CNOT4: variants seen among roughly 807,000 people sequenced by gnomAD.
The protein encoded by CNOT4 is CCR4-NOT transcription complex subunit 4.
CNOT4 carries 8 observed loss-of-function variants against 73.8 expected under a neutral mutation model. That is an observed-to-expected ratio of 0.11 (90% confidence interval 0.06 to 0.20). The LOEUF (loss-of-function observed/expected upper bound fraction) is 0.20, where lower values mean the gene tolerates loss of function less well. Among genes scored for constraint, CNOT4 ranks in the 10% least tolerant of loss-of-function variants. The pLI is 1.00. For missense variants in CNOT4, 564 were observed against 883.4 expected (o/e 0.64, Z 4.58); for synonymous variants, 293 against 321.1 (o/e 0.91, Z 0.94).
At chr7:135,475,025 G>A (rs1022000879) in intron 1 of CNOT4, among the ~76,000 whole-genome samples, 4 of 152,116 alleles carry the variant, frequency 2.6e-5, no homozygotes, top group East Asian at 3.9e-4. Flanking sequence ...ATTTAAATGA[G>A]CTAGAGCCTG....
At chr7:135,376,522 C>T (rs567141782) in intron 10 of CNOT4, among the ~76,000 whole-genome samples, 13 of 152,250 alleles carry the variant, frequency 8.5e-5, no homozygotes, top group Admixed American at 2.0e-4. Flanking sequence ...TTCAGGTTTA[C>T]ATTCAGATGA....
intron 10 of CNOT4, among the ~76,000 whole-genome samples, chr7:135,370,011 A>T (rs118120610): frequency 0.01 from 1,544 of 152,324 alleles, 6 homozygotes; most frequent in Non-Finnish European, 0.015. Flanking sequence ...TAACTAAAAT[A>T]TGCAGAGAAA....
At chr7:135,487,351 C>T (rs577006005) in intron 1 of CNOT4, among the ~76,000 whole-genome samples, 20 of 152,200 alleles carry the variant, frequency 1.3e-4, no homozygotes, top group African/African-American at 4.8e-4. Context: ...AATCCTCCCA[C>T]CTCAGCCTCC....
intron 1 of CNOT4, among the ~76,000 whole-genome samples, chr7:135,447,433 T>C (rs1217894527): frequency 1.3e-5 from 2 of 152,338 alleles, no homozygotes; most frequent in Admixed American, 6.5e-5. Flanking sequence ...TTTAGAAATC[T>C]ATCTACCTGA....
chr7:135,474,030 A>AGTGCAATG (rs1801819263), intron 1 of CNOT4, among the ~76,000 whole-genome samples: 2 of 135,598 alleles, frequency 1.5e-5, no homozygotes, highest in Non-Finnish European at 3.2e-5. Flanking sequence ...CCCAGGCTGG[A>AGTGCAATG]GTGCAATGGT....
intron 1 of CNOT4, among the ~76,000 whole-genome samples, chr7:135,451,374 G>C (rs910521251): frequency 3.9e-5 from 6 of 152,112 alleles, no homozygotes; most frequent in Admixed American, 2.6e-4. Context: ...GCTCATTGCA[G>C]CATCCACCTC....
chr7:135,418,874 G>A (rs1798018151), intron 3 of CNOT4, among the ~76,000 whole-genome samples: 1 of 152,080 alleles, frequency 6.6e-6, no homozygotes, highest in African/African-American at 2.4e-5. Flanking sequence ...TTCCCAAAAA[G>A]CTGTGTAATT....
chr7:135,376,087 A>C (rs957474026), intron 10 of CNOT4, among the ~76,000 whole-genome samples: 1 of 151,864 alleles, frequency 6.6e-6, no homozygotes, highest in Non-Finnish European at 1.5e-5. Flanking sequence ...TGTAGGGGGG[A>C]AAATCTTAAC....
intron 10 of CNOT4, 127 bp downstream of exon 10, chr7:135,393,791 A>C (rs1341668751): frequency 7.5e-6 from 5 of 665,496 alleles, no homozygotes; most frequent in Non-Finnish European, 1.1e-5. Context: ...ATTATGATAA[A>C]GACTAATCTT....
At chr7:135,492,541 T>C (rs927354638) in intron 1 of CNOT4, among the ~76,000 whole-genome samples, 2 of 152,064 alleles carry the variant, frequency 1.3e-5, no homozygotes, top group African/African-American at 4.8e-5. Context: ...AACTGTTGAG[T>C]TGAGGTACCA....
At chr7:135,420,265 T>G (rs1028467243) in intron 3 of CNOT4, among the ~76,000 whole-genome samples, 6 of 151,950 alleles carry the variant, frequency 3.9e-5, no homozygotes, top group Non-Finnish European at 7.4e-5. Context: ...TTACTGGAAC[T>G]GCACGTCAGA....
At chr7:135,477,020 AT>A (rs1465434638) in intron 1 of CNOT4, among the ~76,000 whole-genome samples, 1 of 152,162 alleles carries the variant, frequency 6.6e-6, no homozygotes, top group African/African-American at 2.4e-5. Context: ...TTTTTCACAT[AT>A]TCTATAATGA....
intron 1 of CNOT4, among the ~76,000 whole-genome samples, chr7:135,470,509 T>A (rs879671610): frequency 6.6e-6 from 1 of 151,792 alleles, no homozygotes; most frequent in Non-Finnish European, 1.5e-5. Context: ...AGTGAGCTGG[T>A]TGCAGTGAGC....
chr7:135,374,342 T>C lies in CNOT4; in HGVS notation c.1628-10276A>G, dbSNP rs1795398927. ...GATAGGCTTCCTAGGATGTCAGAAG[T>C]ATAATATATATTGAATATATCTTGA... On this transcript the variant is annotated intron_variant, in intron 10 of 11. Coordinates refer to ENST00000541284, the MANE Select transcript of CNOT4 (RefSeq NM_001190850.2). Among the ~76,000 whole-genome samples, 3 of 152,224 alleles carry C rather than the reference T, an allele frequency of 2.0e-5. No homozygotes were observed. In the South Asian group the frequency reaches 6.2e-4, roughly 31 times the overall value.
chr7:135,420,599 A>G (rs1443198107), intron 3 of CNOT4, among the ~76,000 whole-genome samples: 3 of 150,384 alleles, frequency 2.0e-5, no homozygotes, highest in Admixed American at 6.6e-5. Context: ...AAAAAAAAAA[A>G]GTAGATTCTA....
chr7:135,403,875 T>C (rs1206645896), intron 7 of CNOT4, among the ~76,000 whole-genome samples: 1 of 152,210 alleles, frequency 6.6e-6, no homozygotes, highest in African/African-American at 2.4e-5. Flanking sequence ...ATAAATTCTG[T>C]ATTTCAGTAA....
chr7:135,457,572 T>C (rs1346015704), intron 1 of CNOT4, among the ~76,000 whole-genome samples: 3 of 152,108 alleles, frequency 2.0e-5, no homozygotes, highest in African/African-American at 7.2e-5. Context: ...TGAGATAAGT[T>C]CTATTTTAAT....
chr7:135,428,496 T>C (rs1034586493), intron 2 of CNOT4, among the ~76,000 whole-genome samples: 9 of 152,150 alleles, frequency 5.9e-5, no homozygotes, highest in African/African-American at 1.9e-4. Flanking sequence ...TATAATAATC[T>C]ATTTTAAAAT....
chr7:135,363,158 T>C lies in CNOT4; in HGVS notation c.1869A>G (p.Leu623=). Residue 623 remains leucine (L), a synonymous_variant, in exon 12 of 12, where the codon TTA becomes TTG. Transcript: ENST00000541284. This position sits in a 1 kb window ranked among gnomAD's most constrained non-coding sequence, Gnocchi z 4.3. ...TGIPASSGNS[L]DSLQDDNPPH... ...GAGGATTGTCATCTTGAAGAGAGTCTAAACTGTTTCCTGAAGACGCTGGAA... is the reference window on the plus strand; with the variant it reads ...GAGGATTGTCATCTTGAAGAGAGTCCAAACTGTTTCCTGAAGACGCTGGAA... 1 of 1,613,604 alleles carries C rather than the reference T, an allele frequency of 6.2e-7. No homozygotes were observed. The highest frequency in any genetic ancestry group is 1.1e-5 in the South Asian group (1 of 91,068).
Sources: gnomAD v4.1 joint callset for allele counts (sites outside exome capture counted in the v4.1 genomes callset) on GRCh38, gnomAD v4.1.1 for gene constraint, Gnocchi (gnomAD v3.1) non-coding constraint, MANE v1.5 for transcripts, NCBI Gene and HGNC (gene_info 2026-07-23, HGNC 2026-07-21) for gene names.